The following KLHL42 variants were observed in gnomAD, a reference collection of about 807,000 sequenced individuals.
KLHL42 encodes the protein kelch-like protein 42.
KLHL42 carries 27 observed loss-of-function variants against 32.7 expected under a neutral mutation model. The ratio of observed to expected loss-of-function variants is 0.83; its 90% CI spans 0.61 to 1.14. The LOEUF (loss-of-function observed/expected upper bound fraction) is 1.14. Ranked by LOEUF, KLHL42 falls within the 50% of genes most tolerant of loss-of-function variation. KLHL42 has a pLI of 0.00. For synonymous variants in KLHL42, 267 were observed against 248.2 expected (o/e 1.08, Z -0.71); for missense variants, 491 against 560.8 (o/e 0.88, Z 1.26).
At chr12:27,794,564 T>C (rs1284645776) in intron 2 of KLHL42, among the ~76,000 whole-genome samples, 2 of 152,196 alleles carry the variant, frequency 1.3e-5, no homozygotes, top group African/African-American at 4.8e-5. Flanking sequence ...CAGTCATAGC[T>C]CATTGCAGGC....
Position 27,781,837 on chromosome 12 carries a change from C to T in KLHL42, c.872+635C>T, listed in dbSNP as rs540035966. ...TACAGAATTGGAATATTTTCATTTA[C>T]GCAACCTTCTCCCCCTCCCATCCTG... On this transcript the variant is annotated intron_variant, in intron 1 of 2. Coordinates refer to ENST00000381271, the MANE Select transcript of KLHL42 (RefSeq NM_020782.2). Among the ~76,000 whole-genome samples the T allele has an allele frequency of 8.5e-5, 13 of 152,290 alleles. No homozygotes were observed. The South Asian group carries it at 1.2e-3, about 15-fold the overall frequency.
At chr12:27,796,809 AT>A (rs917304312) in intron 2 of KLHL42, among the ~76,000 whole-genome samples, 1 of 151,416 alleles carries the variant, frequency 6.6e-6, no homozygotes, top group African/African-American at 2.4e-5. Context: ...CTAATTTTTT[AT>A]TTTTTTTAGA....
In KLHL42 at chr12:27,800,179, GCATAT is replaced by G; in HGVS notation, c.*2021_*2025del. 1 of 985,384 alleles carries G rather than the reference GCATAT, an allele frequency of 1.0e-6. No homozygotes were observed. The highest frequency in any genetic ancestry group is 1.2e-6 in the Non-Finnish European group (1 of 829,932). 61.0% of individuals were successfully genotyped at this position (985,384 alleles called of 1,614,324 possible). A position where few individuals can be genotyped will look rare whatever the true frequency, so the allele number is the denominator to read the frequency against. ...CAGTTGGAGATTAGTTTGCAAATAAGCATATCATATCAAATACAATATTCCAGCCA... is the reference window on the plus strand; with the variant it reads ...CAGTTGGAGATTAGTTTGCAAATAAGCATATCAAATACAATATTCCAGCCA... On this transcript the variant is annotated 3_prime_UTR_variant, in exon 3 of 3. Transcript: ENST00000381271.
At chr12:27,788,983 TG>T in intron 1 of KLHL42, among the ~76,000 whole-genome samples, 1 of 151,918 alleles carries the variant, frequency 6.6e-6, no homozygotes, top group East Asian at 1.9e-4. Flanking sequence ...AGGTGAAGAG[TG>T]GAAGAATTAT....
At chr12:27,784,120 GTT>G (rs1216912229) in intron 1 of KLHL42, among the ~76,000 whole-genome samples, 1,396 of 131,166 alleles carry the variant, frequency 0.011, 22 homozygotes, top group East Asian at 0.032. Flanking sequence ...AAGTGTATGT[GTT>G]TTTTTTTTTT....
chr12:27,800,410 C>G lies in KLHL42; in HGVS notation c.*2244C>G, dbSNP rs942264365. 168 of 982,884 alleles carry G rather than the reference C, an allele frequency of 1.7e-4. No homozygotes were observed. The highest frequency in any genetic ancestry group is 1.9e-4 in the Non-Finnish European group (161 of 828,410). The allele number at this position is 982,884 out of a possible 1,614,324, so 60.9% of individuals were successfully genotyped here. ...TTATAGCTCTCTTTAAGACAGACAT[C>G]TAAAAAGATTTTGGTTATTCTGGGC... On this transcript the variant is annotated 3_prime_UTR_variant, in exon 3 of 3. Coordinates refer to ENST00000381271, the MANE Select transcript of KLHL42 (RefSeq NM_020782.2).
chr12:27,795,674 T>G (rs2062215373), intron 2 of KLHL42, among the ~76,000 whole-genome samples: 1 of 152,190 alleles, frequency 6.6e-6, no homozygotes, highest in African/African-American at 2.4e-5. Context: ...TTAAGTCAAG[T>G]GAGACTTTTA....
At position 27,798,142 on chromosome 12, in the gene KLHL42, T is replaced by G; in HGVS notation, c.1494T>G (p.Tyr498Ter). Reference protein sequence around the residue: ...FGHNLLVSSLYLPNKAET With the variant: ...FGHNLLVSSL Reference sequence around the variant, plus strand: ...ATAACTTGCTGGTTTCTTCTCTTTATCTGCCCAATAAAGCAGAAACATGAC... The same window carrying G: ...ATAACTTGCTGGTTTCTTCTCTTTAGCTGCCCAATAAAGCAGAAACATGAC... Residue 498 changes from tyrosine (Y) to a stop codon, truncating the protein, a stop_gained, in exon 3 of 3, where the codon TAT (tyrosine) becomes TAG (stop). Transcript: ENST00000381271. LOFTEE classifies it high-confidence loss of function. The G allele has an allele frequency of 1.3e-6, 1 of 780,300 alleles. No homozygotes were observed. Among genetic ancestry groups the G allele is most frequent in the South Asian group, 1.3e-5 (1 of 74,624 alleles). 48.3% of individuals were successfully genotyped at this position (780,300 alleles called of 1,614,324 possible).
At chr12:27,795,369 G>A (rs1253948133) in intron 2 of KLHL42, among the ~76,000 whole-genome samples, 2 of 152,162 alleles carry the variant, frequency 1.3e-5, no homozygotes, top group Non-Finnish European at 2.9e-5. Context: ...AACCTCACAA[G>A]CCACTGCTAA....
chr12:27,797,144 A>AC (rs71039854), intron 2 of KLHL42: 16 of 414,542 alleles, frequency 3.9e-5, no homozygotes, highest in African/African-American at 2.9e-4. Context: ...CAAAAAAAAA[A>AC]CTGGAAACTG....
intron 1 of KLHL42, among the ~76,000 whole-genome samples, chr12:27,787,274 C>T (rs1319368542): frequency 1.3e-5 from 2 of 151,818 alleles, no homozygotes; most frequent in African/African-American, 4.8e-5. Context: ...GCAGGCGGAT[C>T]ACCTGAGGTC....
Position 27,791,695 on chromosome 12 carries a change from G to GTC in KLHL42, c.873-7_873-6dup, listed in dbSNP as rs764778889. 546 of 1,608,942 alleles carry GTC rather than the reference G, an allele frequency of 3.4e-4. No homozygotes were observed. Among genetic ancestry groups the GTC allele is most frequent in the Non-Finnish European group, 4.5e-4 (534 of 1,175,508 alleles). On this transcript the variant is annotated splice_polypyrimidine_tract_variant and intron_variant, in intron 1 of 2. Transcript: ENST00000381271. ...AAGAACTAACTCTGTGGGCCTTTGTGTCTCTCTTTCAGGTCTAACTTCAAA... is the reference window on the plus strand; with the variant it reads ...AAGAACTAACTCTGTGGGCCTTTGTGTCTCTCTCTTTCAGGTCTAACTTCAAA...
intron 1 of KLHL42, among the ~76,000 whole-genome samples, chr12:27,787,003 A>T (rs949124913): frequency 1.3e-5 from 2 of 151,808 alleles, no homozygotes; most frequent in Admixed American, 1.3e-4. Context: ...GGGATTATAG[A>T]CATGAGCCAC....
Position 27,801,604 on chromosome 12 carries a change from A to G in KLHL42, c.*3438A>G, listed in dbSNP as rs950632140. 6.6e-6 allele frequency: 1 copy of G among 152,192 alleles called. No individual in the cohort carries two copies. Among genetic ancestry groups the G allele is most frequent in the African/African-American group, 2.4e-5 (1 of 41,434 alleles). 9.4% of individuals were successfully genotyped at this position (152,192 alleles called of 1,614,324 possible). ...CACCTGTGCCACCGCTCTTTTAAGGAGGCATTATGAATGAGTGCAGCATTC... is the reference window on the plus strand; with the variant it reads ...CACCTGTGCCACCGCTCTTTTAAGGGGGCATTATGAATGAGTGCAGCATTC... On this transcript the variant is annotated 3_prime_UTR_variant, in exon 3 of 3. Coordinates refer to ENST00000381271, the MANE Select transcript of KLHL42 (RefSeq NM_020782.2).
At chr12:27,793,753 G>C (rs1418282735) in intron 2 of KLHL42, among the ~76,000 whole-genome samples, 1 of 152,126 alleles carries the variant, frequency 6.6e-6, no homozygotes. Context: ...GTGTAACCTG[G>C]CTCTTAGGAC....
At position 27,799,770 on chromosome 12, in the gene KLHL42, C is replaced by A. The variant is rs1317142827; in HGVS notation, c.*1604C>A. On this transcript the variant is annotated 3_prime_UTR_variant, in exon 3 of 3. Coordinates refer to ENST00000381271, the MANE Select transcript of KLHL42 (RefSeq NM_020782.2). ...CTATTTGCACAACTTTTTGGGAATA[C>A]TTCTATTAACTAAAATGAGGTAAGC... The A allele has an allele frequency of 6.1e-6, 1 of 163,720 alleles. No homozygotes were observed. Among genetic ancestry groups the A allele is most frequent in the Non-Finnish European group, 1.3e-5 (1 of 78,292 alleles). 10.1% of individuals were successfully genotyped at this position (163,720 alleles called of 1,614,324 possible). A position where few individuals can be genotyped will look rare whatever the true frequency, so the allele number is the denominator to read the frequency against.
At chr12:27,794,852 T>C (rs146453161) in intron 2 of KLHL42, among the ~76,000 whole-genome samples, 82 of 151,894 alleles carry the variant, frequency 5.4e-4, no homozygotes, top group African/African-American at 1.8e-3. Flanking sequence ...CTATTCCCAA[T>C]GTCCCTCTCT....
At chr12:27,792,082 G>T (rs2062199851) in intron 2 of KLHL42, 181 bp downstream of exon 2, 1 of 484,936 alleles carries the variant, frequency 2.1e-6, no homozygotes, top group East Asian at 3.3e-5. Context: ...GGACAGGAGG[G>T]ATCTTTTGAT....
intron 2 of KLHL42, chr12:27,797,369 T>C (rs954100016): frequency 4.2e-6 from 2 of 481,124 alleles, no homozygotes; most frequent in Non-Finnish European, 8.2e-6. Flanking sequence ...TAGCTATTGA[T>C]GAGGGTTCTG....
Sources: gnomAD v4.1 joint callset for allele counts (sites outside exome capture counted in the v4.1 genomes callset) on GRCh38, gnomAD v4.1.1 for gene constraint, MANE v1.5 for transcripts, NCBI Gene and HGNC (gene_info 2026-07-23, HGNC 2026-07-21) for gene names.